SLC4A8: variants seen among roughly 807,000 people sequenced by gnomAD.
SLC4A8 encodes electroneutral sodium bicarbonate exchanger 1.
In SLC4A8, 40 loss-of-function variants were observed where a neutral mutation model predicts 125.0. The ratio of observed to expected loss-of-function variants is 0.32; its 90% CI spans 0.25 to 0.42. The LOEUF is 0.42. Ranked by LOEUF, SLC4A8 falls within the 10% of genes least tolerant of loss-of-function variation. The probability of loss-of-function intolerance (pLI) is 1.00; values close to 1 mark genes in which losing one functional copy is unlikely to be tolerated. For synonymous variants in SLC4A8, 456 were observed against 476.0 expected (o/e 0.96, Z 0.55); for missense variants, 863 against 1,355.1 (o/e 0.64, Z 5.70).
intron 14 of SLC4A8, among the ~76,000 whole-genome samples, chr12:51,472,774 T>A (rs935765575): frequency 5.9e-5 from 9 of 151,812 alleles, no homozygotes; most frequent in Non-Finnish European, 1.3e-4. Flanking sequence ...AAGATGATAT[T>A]TTTTTTTAGT....
At chr12:51,430,831 C>T (rs1949163397) in intron 1 of SLC4A8, among the ~76,000 whole-genome samples, 1 of 152,036 alleles carries the variant, frequency 6.6e-6, no homozygotes, top group Admixed American at 6.6e-5. Flanking sequence ...TGGTTGTTTC[C>T]CATAGGTAGT....
At chr12:51,403,044 G>A (rs1368113014) in intron 1 of SLC4A8, 6 of 371,660 alleles carry the variant, frequency 1.6e-5, no homozygotes, top group Admixed American at 1.5e-4. Flanking sequence ...TGGGTAAGTT[G>A]TTTAGCCTGT....
intron 1 of SLC4A8, among the ~76,000 whole-genome samples, chr12:51,426,635 A>G (rs1592162640): frequency 6.6e-6 from 1 of 152,160 alleles, no homozygotes; most frequent in African/African-American, 2.4e-5. Flanking sequence ...GAGAACAGCT[A>G]CACAAAAGAC....
chr12:51,421,940 G>C (rs970077499), upstream of SLC4A8: 9 of 152,204 alleles, frequency 5.9e-5, no homozygotes, highest in African/African-American at 2.2e-4. Context: ...TAACAGTAGT[G>C]ATTATAACTA....
intron 19 of SLC4A8, among the ~76,000 whole-genome samples, chr12:51,493,381 C>CGTTTGTGTGTGTGTGTGTGTGT: frequency 6.6e-6 from 1 of 151,136 alleles, no homozygotes; most frequent in Middle Eastern, 3.4e-3. Flanking sequence ...GAGAGGGGTG[C>CGTTTGTGTGTGTGTGTGTGTGT]GTTTGTGTGT....
At position 51,403,221 on chromosome 12, in the gene SLC4A8, C is replaced by G. The variant is rs78274064; in HGVS notation, c.-112+11733C>G. 510 of 456,794 alleles carry G rather than the reference C, an allele frequency of 1.1e-3. 4 individuals are homozygous for G. The highest frequency in any genetic ancestry group is 9.3e-3 in the African/African-American group (468 of 50,126). 28.3% of individuals were successfully genotyped at this position (456,794 alleles called of 1,614,324 possible). A position where few individuals can be genotyped will look rare whatever the true frequency, so the allele number is the denominator to read the frequency against. ...CACTCCTCGCTACCGCCGGGGAGAC[C>G]CAGGATACCTAAACTTTACTGAGTT... is the stretch of plus-strand genomic sequence containing the variant. On this transcript the variant is annotated intron_variant, in intron 1 of 24. Coordinates refer to the SLC4A8 transcript ENST00000358657.
At chr12:51,432,343 A>G (rs1474749897) in intron 1 of SLC4A8, among the ~76,000 whole-genome samples, 2 of 149,958 alleles carry the variant, frequency 1.3e-5, no homozygotes, top group Non-Finnish European at 3.0e-5. Flanking sequence ...CCTGGGAGGC[A>G]GAGCTTGTAG....
chr12:51,494,478 A>G (rs1951408895), intron 20 of SLC4A8: 1 of 133,230 alleles, frequency 7.5e-6, no homozygotes, highest in Non-Finnish European at 1.6e-5. Flanking sequence ...TGGGCAGGTT[A>G]TTTAATCTCT....
intron 1 of SLC4A8, among the ~76,000 whole-genome samples, chr12:51,401,461 G>T (rs74946696): frequency 0.027 from 4,057 of 152,236 alleles, 188 homozygotes; most frequent in African/African-American, 0.091. Context: ...TCCTCTGACT[G>T]CCCCAGGCAA....
chr12:51,394,089 C>T (rs1371298057), intron 1 of SLC4A8, among the ~76,000 whole-genome samples: 1 of 152,194 alleles, frequency 6.6e-6, no homozygotes, highest in Non-Finnish European at 1.5e-5. Context: ...GTGATCCTGA[C>T]GTGAGTCTTG....
chr12:51,477,734 G>T (rs1374368838), intron 16 of SLC4A8, among the ~76,000 whole-genome samples: 1 of 152,008 alleles, frequency 6.6e-6, no homozygotes, highest in African/African-American at 2.4e-5. Flanking sequence ...CATTTTTCAG[G>T]GGCCAGAGGC....
At chr12:51,461,110 C>A in intron 8 of SLC4A8, 94 bp from the exon 9 acceptor site, 1 of 580,498 alleles carries the variant, frequency 1.7e-6, no homozygotes, top group Non-Finnish European at 3.1e-6. Flanking sequence ...GATTTATGTA[C>A]GATAAGAGAG....
At chr12:51,451,534 A>G (rs1228127675) in intron 3 of SLC4A8, among the ~76,000 whole-genome samples, 1 of 152,184 alleles carries the variant, frequency 6.6e-6, no homozygotes, top group Non-Finnish European at 1.5e-5. Context: ...TATTTTTTCA[A>G]AATTGTTATA....
At chr12:51,478,125 A>G (rs1161550849) in intron 16 of SLC4A8, among the ~76,000 whole-genome samples, 2 of 152,146 alleles carry the variant, frequency 1.3e-5, no homozygotes, top group African/African-American at 4.8e-5. Flanking sequence ...AATACAAAAA[A>G]TTAGCTGGGC....
At chr12:51,397,981 C>A (rs1948297086) in intron 1 of SLC4A8, among the ~76,000 whole-genome samples, 1 of 152,004 alleles carries the variant, frequency 6.6e-6, no homozygotes, top group Non-Finnish European at 1.5e-5. Flanking sequence ...TGAGGTGAGA[C>A]CCAGGAGGTC....
intron 16 of SLC4A8, among the ~76,000 whole-genome samples, chr12:51,482,334 T>C (rs1951052552): frequency 6.6e-6 from 1 of 152,206 alleles, no homozygotes; most frequent in African/African-American, 2.4e-5. Flanking sequence ...TATTTTTATA[T>C]TTTTTATGTG....
chr12:51,419,013 G>A (rs963907699), intron 1 of SLC4A8, among the ~76,000 whole-genome samples: 2 of 152,040 alleles, frequency 1.3e-5, no homozygotes, highest in Non-Finnish European at 2.9e-5. Flanking sequence ...GTGGGGGAGG[G>A]GTTAATGTCA....
Position 51,392,571 on chromosome 12 carries a change from C to CAAAAAA in SLC4A8, c.-112+1093_-112+1098dup, listed in dbSNP as rs35992841. Among the ~76,000 whole-genome samples the CAAAAAA allele has an allele frequency of 2.4e-3, 285 of 119,190 alleles. 4 individuals carry two copies. The highest frequency in any genetic ancestry group is 2.6e-3 in the Non-Finnish European group (153 of 59,748). 78.2% of individuals were successfully genotyped at this position (119,190 alleles called of 152,430 possible). On this transcript the variant is annotated intron_variant, in intron 1 of 24. Coordinates refer to the SLC4A8 transcript ENST00000358657. ...CTGGCGACAGAGCGAGATTCCGTAT[C>CAAAAAA]AAAAAAAAAAAAAAAGAAAAAAAGA...
intron 1 of SLC4A8, among the ~76,000 whole-genome samples, chr12:51,438,305 A>G (rs918999624): frequency 1.3e-5 from 2 of 152,084 alleles, no homozygotes; most frequent in African/African-American, 4.8e-5. Flanking sequence ...CTAGCCTCTA[A>G]TATTCTCTCT....
Sources: allele counts gnomAD v4.1 joint callset (sites outside exome capture counted in the v4.1 genomes callset), GRCh38; gene constraint gnomAD v4.1.1; transcripts MANE v1.5; gene names NCBI Gene and HGNC (gene_info 2026-07-23, HGNC 2026-07-21).